The following VPS13A variants were observed in gnomAD, a reference collection of about 807,000 sequenced individuals.
The protein encoded by VPS13A is vacuolar protein sorting 13 homolog A.
VPS13A carries 264 observed loss-of-function variants against 390.9 expected under a neutral mutation model. The ratio of observed to expected loss-of-function variants is 0.68; its 90% CI spans 0.61 to 0.75. VPS13A has a LOEUF of 0.75. Ranked by LOEUF, VPS13A falls within the 30% of genes least tolerant of loss-of-function variation. The pLI, the probability that VPS13A is intolerant of heterozygous loss-of-function variation, is 0.00. For missense variants in VPS13A, 3,409 were observed against 3,733.9 expected (o/e 0.91, Z 2.27); for synonymous variants, 1,231 against 1,227.1 (o/e 1.00, Z -0.07).
chr9:77,321,504 C>T lies in VPS13A; in HGVS notation c.5588C>T (p.Ala1863Val). The T allele has an allele frequency of 6.2e-7, 1 of 1,613,422 alleles. No homozygotes were observed. Among genetic ancestry groups the T allele is most frequent in the Non-Finnish European group, 8.5e-7 (1 of 1,179,582 alleles). The part of the protein sequence containing the change: ...LNNLVKAFTE[A>V]ATGSSADFVK... Reference sequence around the variant, plus strand: ...CTTTCTTATTAGGCATTTACAGAAGCTGCCACTGGATCTTCAGCTGACTTC... The same window carrying T: ...CTTTCTTATTAGGCATTTACAGAAGTTGCCACTGGATCTTCAGCTGACTTC... Residue 1863 changes from alanine to valine, a missense_variant, in exon 44 of 72, where the codon GCT becomes GTT. Physicochemically the swap from Ala to Val is moderately conservative, Grantham distance 64. This residue lies in a region of VPS13A where 2,717 missense variants were observed against 2,917.4 expected (regional missense o/e 0.93). Coordinates refer to ENST00000360280, the MANE Select transcript of VPS13A (RefSeq NM_033305.3).
intron 67 of VPS13A, among the ~76,000 whole-genome samples, chr9:77,380,045 T>G (rs1361132103): frequency 1.3e-5 from 2 of 152,124 alleles, no homozygotes; most frequent in African/African-American, 4.8e-5. Context: ...GCTGCTTATA[T>G]GTTTATAATT....
At chr9:77,363,300 G>A (rs2131572124) in intron 59 of VPS13A, among the ~76,000 whole-genome samples, 1 of 150,604 alleles carries the variant, frequency 6.6e-6, no homozygotes, top group Non-Finnish European at 1.5e-5. Flanking sequence ...TTTTAATCAT[G>A]ATTATATATT....
In VPS13A at chr9:77,339,629, T is replaced by C. The variant is rs7025532; in HGVS notation, c.6492T>C (p.Asp2164=). 303,978 of 1,613,058 alleles carry C rather than the reference T, an allele frequency of 0.19. 30,275 individuals are homozygous for C. The highest frequency in any genetic ancestry group is 0.22 in the Middle Eastern group (1,345 of 6,052). ...HLKLLDYLNH[D]WKSEYHIKPN... ...AATTACTTGACTATCTCAATCACGATTGGAAAAGTGAATATCACATAAAGC... is the reference window on the plus strand; with the variant it reads ...AATTACTTGACTATCTCAATCACGACTGGAAAAGTGAATATCACATAAAGC... The change falls in exon 48 of 72, where the codon GAT becomes GAC. Residue 2164 remains aspartate (D), a synonymous_variant. Coordinates refer to ENST00000360280, the MANE Select transcript of VPS13A (RefSeq NM_033305.3).
intron 61 of VPS13A, among the ~76,000 whole-genome samples, 182 bp downstream of exon 61, chr9:77,367,054 C>G (rs539437827): frequency 6.6e-6 from 1 of 152,248 alleles, no homozygotes; most frequent in Admixed American, 6.5e-5. Flanking sequence ...CCCCTAATTG[C>G]TAAATTACAG....
chr9:77,382,952 T>G, intron 68 of VPS13A: 1 of 985,264 alleles, frequency 1.0e-6, no homozygotes, highest in Non-Finnish European at 1.2e-6. Context: ...AGTGTCATGT[T>G]GTTTCTGTGG....
Position 77,372,533 on chromosome 9 carries a change from A to G in VPS13A, c.9077+1384A>G, listed in dbSNP as rs961578839. Among the ~76,000 whole-genome samples the G allele has an allele frequency of 7.9e-5, 12 of 151,242 alleles. No homozygotes were observed. In the South Asian group the frequency reaches 1.7e-3, roughly 21 times the overall value. ...ACAAACCCACAGCCAATATCATACT[A>G]AATGGGCAAAAACTGGAAGCATTCC... is the stretch of plus-strand genomic sequence containing the variant. On this transcript the variant is annotated intron_variant, in intron 67 of 71. Coordinates refer to ENST00000360280, the MANE Select transcript of VPS13A (RefSeq NM_033305.3).
intron 26 of VPS13A, among the ~76,000 whole-genome samples, chr9:77,277,274 A>G (rs188871029): frequency 2.0e-5 from 3 of 152,250 alleles, no homozygotes; most frequent in African/African-American, 7.2e-5. Flanking sequence ...TAAATAGACT[A>G]TTTTTTAGAG....
At chr9:77,181,515 C>CAAAAAAA (rs1161800764) in intron 1 of VPS13A, among the ~76,000 whole-genome samples, 6 of 80,272 alleles carry the variant, frequency 7.5e-5, no homozygotes, top group East Asian at 3.2e-4. Flanking sequence ...GACCCTGCCT[C>CAAAAAAA]AAAAAAAAAA....
rs773656342 is a variant in VPS13A at position 77,199,968 on chromosome 9, C to G, written c.124C>G (p.Gln42Glu). The G allele has an allele frequency of 1.9e-6, 3 of 1,607,760 alleles. No homozygotes were observed. Among genetic ancestry groups the G allele is most frequent in the Non-Finnish European group, 1.7e-6 (2 of 1,177,230 alleles). The change falls in exon 2 of 72, where the codon CAA becomes GAA. Residue 42 changes from glutamine to glutamate, a missense_variant. Coordinates refer to ENST00000360280, the MANE Select transcript of VPS13A (RefSeq NM_033305.3). ...WKGAVALKNLQIKENALSQLD... is the reference protein window; with the variant it reads ...WKGAVALKNLEIKENALSQLD... ...AGGAGCTGTGGCCCTCAAGAATCTT[C>G]AAATTAAAGAAAATGCCCTGGTAGG...
At chr9:77,214,528 AAAT>A (rs1822748082) in intron 10 of VPS13A, 142 bp downstream of exon 10, 9 of 579,792 alleles carry the variant, frequency 1.6e-5, no homozygotes, top group Non-Finnish European at 2.7e-5. Flanking sequence ...ATACAAAAGC[AAAT>A]AATATTATAT....
At chr9:77,382,450 T>C in intron 68 of VPS13A, 1 of 1,387,506 alleles carries the variant, frequency 7.2e-7, no homozygotes, top group Non-Finnish European at 9.3e-7. Flanking sequence ...ATCTGGTTTT[T>C]TTATAGGGTG....
At chr9:77,310,613 C>G (rs1829019388) in intron 35 of VPS13A, among the ~76,000 whole-genome samples, 1 of 149,826 alleles carries the variant, frequency 6.7e-6, no homozygotes, top group Non-Finnish European at 1.5e-5. Context: ...CTGTAAATCT[C>G]ATTGAAAAAT....
At position 77,357,709 on chromosome 9, in the gene VPS13A, T is replaced by C. The variant is rs1336940629; in HGVS notation, c.7824T>C (p.Thr2608=). 13 of 1,614,022 alleles carry C rather than the reference T, an allele frequency of 8.1e-6. No individual in the cohort carries two copies. Among genetic ancestry groups the C allele is most frequent in the Non-Finnish European group, 1.0e-5 (12 of 1,179,972 alleles). The change falls in exon 56 of 72, where the codon ACT becomes ACC. Residue 2608 remains threonine (T), a synonymous_variant. Coordinates refer to ENST00000360280, the MANE Select transcript of VPS13A (RefSeq NM_033305.3). Reference sequence around the variant, plus strand: ...TTTTTCAGGTTCGCCTAACCCCTACTGGTCATAACATGAAAATTCTGCAGC... The same window carrying C: ...TTTTTCAGGTTCGCCTAACCCCTACCGGTCATAACATGAAAATTCTGCAGC... ...DTNVPVRLTP[T]GHNMKILQPH...
At chr9:77,372,636 G>C (rs1220320285) in intron 67 of VPS13A, among the ~76,000 whole-genome samples, 2 of 152,020 alleles carry the variant, frequency 1.3e-5, no homozygotes, top group African/African-American at 4.8e-5. Context: ...TCTGGCCAGG[G>C]CAATTAGGCA....
At chr9:77,264,557 A>G (rs1825928460) in intron 23 of VPS13A, among the ~76,000 whole-genome samples, 1 of 152,172 alleles carries the variant, frequency 6.6e-6, no homozygotes, top group Non-Finnish European at 1.5e-5. Flanking sequence ...TCTTTGAAGC[A>G]ATTGTGAATG....
chr9:77,283,692 G>T, intron 31 of VPS13A, 42 bp downstream of exon 31: 1 of 1,447,010 alleles, frequency 6.9e-7, no homozygotes, highest in Non-Finnish European at 9.5e-7. Context: ...TCATTAAATA[G>T]GATTGTCCTT....
chr9:77,356,506 C>G (rs1327544), intron 54 of VPS13A, among the ~76,000 whole-genome samples: 10 of 152,102 alleles, frequency 6.6e-5, no homozygotes, highest in Admixed American at 2.0e-4. Flanking sequence ...TCACTGATAA[C>G]GGCTGTAACA....
At chr9:77,402,987 A>G (rs866802757) in intron 68 of VPS13A, among the ~76,000 whole-genome samples, 1 of 152,348 alleles carries the variant, frequency 6.6e-6, no homozygotes, top group Middle Eastern at 3.4e-3. Context: ...ACTTTGTAAG[A>G]TAACATCAGC....
chr9:77,318,571 C>A lies in VPS13A; in HGVS notation c.5293C>A (p.His1765Asn). The change falls in exon 41 of 72, where the codon CAC (histidine) becomes AAC (asparagine). Residue 1765 changes from histidine to asparagine, a missense_variant. Physicochemically the swap from His to Asn is moderately conservative, Grantham distance 68. This residue lies in a region of VPS13A where 2,717 missense variants were observed against 2,917.4 expected (regional missense o/e 0.93). Coordinates refer to ENST00000360280, the MANE Select transcript of VPS13A (RefSeq NM_033305.3). ...AAACTGGAGTTCCCTAATAAATCTGCACTGTCAGCTTGAGCTAGAAGTAAG... is the reference window on the plus strand; with the variant it reads ...AAACTGGAGTTCCCTAATAAATCTGAACTGTCAGCTTGAGCTAGAAGTAAG... ...GKNWSSLINL[H>N]CQLELEVHYY... The A allele has an allele frequency of 6.2e-7, 1 of 1,613,656 alleles. No homozygotes were observed. The highest frequency in any genetic ancestry group is 1.1e-5 in the South Asian group (1 of 91,082).
Sources: gnomAD v4.1 joint callset for allele counts (sites outside exome capture counted in the v4.1 genomes callset) on GRCh38, gnomAD v4.1.1 for gene constraint, gnomAD v4.1.1 regional missense constraint, MANE v1.5 for transcripts, NCBI Gene and HGNC (gene_info 2026-07-23, HGNC 2026-07-21) for gene names.